The following CSMD1 variants were observed in gnomAD, a reference collection of about 807,000 sequenced individuals.
The protein encoded by CSMD1 is CUB and sushi domain-containing protein 1.
CSMD1 carries 213 observed loss-of-function variants against 417.5 expected under a neutral mutation model. The ratio of observed to expected loss-of-function variants is 0.51; its 90% CI spans 0.46 to 0.57. CSMD1 has a LOEUF of 0.57. Among genes scored for constraint, CSMD1 ranks in the 20% least tolerant of loss-of-function variants. The probability of loss-of-function intolerance (pLI) is 0.00; values close to 1 mark genes in which losing one functional copy is unlikely to be tolerated. For synonymous variants in CSMD1, 2,862 were observed against 1,736.8 expected (o/e 1.65, Z -16.11); for missense variants, 6,923 against 4,529.7 (o/e 1.53, Z -15.17).
At chr8:4,430,013 C>G (rs1241476613) in intron 2 of CSMD1, among the ~76,000 whole-genome samples, 1 of 152,088 alleles carries the variant, frequency 6.6e-6, no homozygotes, top group Non-Finnish European at 1.5e-5. Flanking sequence ...AAGTGCCTTC[C>G]CACTGAAATG....
At chr8:4,423,404 T>C (rs933123818) in intron 2 of CSMD1, among the ~76,000 whole-genome samples, 1 of 151,872 alleles carries the variant, frequency 6.6e-6, no homozygotes, top group Non-Finnish European at 1.5e-5. Context: ...ATTGTAGTTC[T>C]ACATACTAGC....
intron 3 of CSMD1, among the ~76,000 whole-genome samples, chr8:4,206,466 C>G (rs78301702): frequency 2.0e-5 from 3 of 152,090 alleles, no homozygotes; most frequent in South Asian, 2.1e-4. Flanking sequence ...ATAGTTTGCT[C>G]AGAATAATGG....
intron 3 of CSMD1, among the ~76,000 whole-genome samples, chr8:4,313,652 T>G (rs1798755267): frequency 6.6e-6 from 1 of 152,070 alleles, no homozygotes; most frequent in Non-Finnish European, 1.5e-5. Context: ...ACATGTAAAT[T>G]CACTTTAGAG....
At chr8:4,133,970 A>C (rs1189908104) in intron 3 of CSMD1, among the ~76,000 whole-genome samples, 1 of 152,234 alleles carries the variant, frequency 6.6e-6, no homozygotes, top group Non-Finnish European at 1.5e-5. Flanking sequence ...AAACATTTTT[A>C]AACTTCGGTT....
At chr8:4,275,337 T>C (rs747364924) in intron 3 of CSMD1, among the ~76,000 whole-genome samples, 1 of 152,180 alleles carries the variant, frequency 6.6e-6, no homozygotes, top group African/African-American at 2.4e-5. Flanking sequence ...CTGTGTTGTG[T>C]ATTTGTTGGA....
At chr8:3,119,562 C>G (rs1236609563) in intron 41 of CSMD1, among the ~76,000 whole-genome samples, 1 of 152,124 alleles carries the variant, frequency 6.6e-6, no homozygotes, top group African/African-American at 2.4e-5. Flanking sequence ...GTGGTTTAAA[C>G]ATTTACTCAT....
intron 1 of CSMD1, among the ~76,000 whole-genome samples, chr8:4,700,483 T>A (rs1227125362): frequency 2.0e-5 from 3 of 152,096 alleles, no homozygotes; most frequent in Non-Finnish European, 4.4e-5. Flanking sequence ...TCTTTAAATT[T>A]AAAACTATAA....
chr8:3,839,451 TATA>T (rs1246259847), intron 5 of CSMD1, among the ~76,000 whole-genome samples: 3 of 119,064 alleles, frequency 2.5e-5, no homozygotes, highest in African/African-American at 1.0e-4. Context: ...TATATTATAA[TATA>T]ATATATTATA....
At chr8:3,684,179 T>A (rs1303591620) in intron 7 of CSMD1, among the ~76,000 whole-genome samples, 3 of 127,872 alleles carry the variant, frequency 2.3e-5, no homozygotes, top group African/African-American at 9.1e-5. Context: ...TATTTACATG[T>A]TACATGTAAT....
At chr8:4,004,145 C>T (rs1815919713) in intron 4 of CSMD1, among the ~76,000 whole-genome samples, 1 of 151,876 alleles carries the variant, frequency 6.6e-6, no homozygotes, top group Admixed American at 6.6e-5. Flanking sequence ...ACTATAAAGA[C>T]TAAGAAATAT....
At chr8:3,286,410 C>T (rs1803161515) in intron 25 of CSMD1, among the ~76,000 whole-genome samples, 1 of 152,106 alleles carries the variant, frequency 6.6e-6, no homozygotes, top group Admixed American at 6.6e-5. Context: ...ACACTGACTT[C>T]CACAATGGTT....
At chr8:4,334,520 G>A (rs1027184367) in intron 3 of CSMD1, among the ~76,000 whole-genome samples, 1 of 152,118 alleles carries the variant, frequency 6.6e-6, no homozygotes, top group East Asian at 1.9e-4. Context: ...AAATGCATGA[G>A]CTAATTCCTT....
At chr8:4,014,803 C>G (rs1426419706) in intron 4 of CSMD1, among the ~76,000 whole-genome samples, 2 of 152,144 alleles carry the variant, frequency 1.3e-5, no homozygotes, top group Non-Finnish European at 2.9e-5. Context: ...ACACATTCAT[C>G]TTTACAGCTC....
At chr8:4,168,535 A>T (rs895858540) in intron 3 of CSMD1, among the ~76,000 whole-genome samples, 1 of 152,178 alleles carries the variant, frequency 6.6e-6, no homozygotes, top group Non-Finnish European at 1.5e-5. Context: ...TTACAGACAC[A>T]GAACACAACA....
At chr8:3,452,265 G>C (rs1815781349) in intron 12 of CSMD1, among the ~76,000 whole-genome samples, 1 of 152,180 alleles carries the variant, frequency 6.6e-6, no homozygotes, top group South Asian at 2.1e-4. Flanking sequence ...TCTGGAAAAA[G>C]GGACAATTTG....
At chr8:3,055,393 A>C (rs546288523) in intron 49 of CSMD1, among the ~76,000 whole-genome samples, 3 of 152,202 alleles carry the variant, frequency 2.0e-5, no homozygotes, top group Non-Finnish European at 2.9e-5. Flanking sequence ...TATTTGGTAG[A>C]TTTAAAATAA....
intron 2 of CSMD1, among the ~76,000 whole-genome samples, chr8:4,497,041 T>A (rs1310451951): frequency 6.6e-6 from 1 of 152,180 alleles, no homozygotes; most frequent in Non-Finnish European, 1.5e-5. Flanking sequence ...CCATTTCCTC[T>A]CTGTCTCTTT....
chr8:3,589,713 T>C (rs1046828454), intron 8 of CSMD1, among the ~76,000 whole-genome samples: 2 of 152,166 alleles, frequency 1.3e-5, no homozygotes, highest in African/African-American at 4.8e-5. Flanking sequence ...AATAACAGCA[T>C]ATTGTATACT....
intron 3 of CSMD1, among the ~76,000 whole-genome samples, chr8:4,153,548 C>A (rs1025147939): frequency 3.3e-5 from 5 of 152,316 alleles, no homozygotes; most frequent in African/African-American, 1.2e-4. Flanking sequence ...TCGTCAGCAG[C>A]GGCCTCCACG....
Sources: gnomAD v4.1 joint callset for allele counts (sites outside exome capture counted in the v4.1 genomes callset) on GRCh38, gnomAD v4.1.1 for gene constraint, MANE v1.5 for transcripts, NCBI Gene and HGNC (gene_info 2026-07-23, HGNC 2026-07-21) for gene names.